The following FHIP2A variants were observed in gnomAD, a reference collection of about 807,000 sequenced individuals.
The protein encoded by FHIP2A is FHF complex subunit HOOK interacting protein 2A.
Under a neutral mutation model 93.5 loss-of-function variants are expected in FHIP2A, and 46 were observed. The observed-to-expected ratio is 0.49, with a 90% CI of 0.39 to 0.63. The LOEUF (loss-of-function observed/expected upper bound fraction) is 0.63. Ranked by LOEUF, FHIP2A falls within the 20% of genes least tolerant of loss-of-function variation. FHIP2A has a pLI of 0.00. For synonymous variants in FHIP2A, 332 were observed against 326.5 expected (o/e 1.02, Z -0.18); for missense variants, 769 against 909.7 (o/e 0.85, Z 1.99).
At chr10:114,829,064 G>A (rs2083593404) in intron 1 of FHIP2A, among the ~76,000 whole-genome samples, 1 of 152,210 alleles carries the variant, frequency 6.6e-6, no homozygotes, top group African/African-American at 2.4e-5. Context: ...CAGTAGAAGT[G>A]CAAGAATAAC....
At chr10:114,873,279 G>A (rs1266751392) in intron 16 of FHIP2A, among the ~76,000 whole-genome samples, 1 of 152,200 alleles carries the variant, frequency 6.6e-6, no homozygotes, top group Non-Finnish European at 1.5e-5. Flanking sequence ...TTAGTCTGAT[G>A]TTTTCCTCAT....
chr10:114,845,467 A>G lies in FHIP2A; in HGVS notation c.1114A>G (p.Lys372Glu). 6.2e-7 allele frequency: 1 copy of G among 1,604,698 alleles called. No homozygotes were observed. Among genetic ancestry groups the G allele is most frequent in the Non-Finnish European group, 8.5e-7 (1 of 1,172,384 alleles). ...GTTTGATTATTGTGATCAGCTCATT[A>G]AGGAAGCCCAAAAGGTTTGTAATTT... ...SWFDYCDQLI[K>E]EAQKTAAVAL... The change falls in exon 8 of 17, where the codon AAG becomes GAG. Residue 372 changes from lysine (K) to glutamate (E), a missense_variant. Transcript: ENST00000369248.
intron 5 of FHIP2A, among the ~76,000 whole-genome samples, chr10:114,837,388 G>C (rs933952145): frequency 1.3e-5 from 2 of 152,076 alleles, no homozygotes; most frequent in Admixed American, 6.5e-5. Context: ...GGTAGTGCAC[G>C]CCTGGAATCC....
Position 114,843,229 on chromosome 10 carries a change from G to T in FHIP2A, c.816+3G>T, listed in dbSNP as rs2083679925. ...TGTTAAATCTTACTAGAAGTCCTGT[G>T]AGTTATGGTCCTTACTTTTTCCCCC... On this transcript the variant is annotated splice_donor_region_variant and intron_variant, in intron 6 of 16. Transcript: ENST00000369248. 3 of 1,603,618 alleles carry T rather than the reference G, an allele frequency of 1.9e-6. No homozygotes were observed. Among genetic ancestry groups the T allele is most frequent in the Non-Finnish European group, 2.6e-6 (3 of 1,172,164 alleles).
chr10:114,832,868 C>T (rs556755098), intron 2 of FHIP2A, among the ~76,000 whole-genome samples: 1 of 152,140 alleles, frequency 6.6e-6, no homozygotes, highest in Admixed American at 6.5e-5. Context: ...CCTGCCACCA[C>T]ACACGGCTAA....
At chr10:114,833,116 G>C (rs761791508) in intron 2 of FHIP2A, 117 bp from the exon 3 acceptor site, 2 of 702,836 alleles carry the variant, frequency 2.8e-6, no homozygotes, top group Non-Finnish European at 4.7e-6. Flanking sequence ...CCTCACTTAA[G>C]TGTGTAGTTC....
chr10:114,858,544 T>C (rs1248298012), intron 14 of FHIP2A, among the ~76,000 whole-genome samples: 1 of 152,124 alleles, frequency 6.6e-6, no homozygotes, highest in Admixed American at 6.5e-5. Context: ...AAGAGTCATG[T>C]ACAATTCTGG....
chr10:114,827,845 C>G (rs898695386), intron 1 of FHIP2A, among the ~76,000 whole-genome samples: 1 of 151,180 alleles, frequency 6.6e-6, no homozygotes, highest in East Asian at 1.9e-4. Flanking sequence ...GGGACTCCAT[C>G]CTAGGCAGGA....
rs150377359 is a variant in FHIP2A at position 114,835,000 on chromosome 10, C to G, written c.295-537C>G. Among the ~76,000 whole-genome samples the G allele has an allele frequency of 7.2e-5, 11 of 152,220 alleles. No individual in the cohort carries two copies. In the East Asian group the frequency reaches 2.1e-3, roughly 29 times the overall value. On this transcript the variant is annotated intron_variant, in intron 3 of 16. Coordinates refer to ENST00000369248, the MANE Select transcript of FHIP2A (RefSeq NM_020940.4). ...CAGATTTGGGTATAATCGTGTATACCGAGGCACAGCTCTAATTTAAAATGA... is the reference window on the plus strand; with the variant it reads ...CAGATTTGGGTATAATCGTGTATACGGAGGCACAGCTCTAATTTAAAATGA...
exon 17 of FHIP2A, chr10:114,899,770 C>T (rs1168212685): frequency 2.3e-6 from 1 of 440,452 alleles, no homozygotes; most frequent in African/African-American, 2.0e-5. Flanking sequence ...AAAAAGAATT[C>T]CACCACAAGT....
intron 1 of FHIP2A, among the ~76,000 whole-genome samples, chr10:114,828,240 G>A (rs184364864): frequency 6.6e-6 from 1 of 152,148 alleles, no homozygotes; most frequent in Non-Finnish European, 1.5e-5. Flanking sequence ...TATTCACAAA[G>A]TAACACCATT....
At chr10:114,850,522 C>T (rs1455385208) in intron 13 of FHIP2A, among the ~76,000 whole-genome samples, 3 of 144,252 alleles carry the variant, frequency 2.1e-5, no homozygotes, top group Non-Finnish European at 4.6e-5. Context: ...GCTTCACAAT[C>T]CCATTTTTAC....
At chr10:114,857,428 G>C (rs1054357947) in intron 14 of FHIP2A, among the ~76,000 whole-genome samples, 3 of 151,214 alleles carry the variant, frequency 2.0e-5, no homozygotes, top group African/African-American at 7.3e-5. Flanking sequence ...TCCCGTCTCA[G>C]CGTCCTGAGT....
chr10:114,860,460 C>A (rs1450297604), intron 14 of FHIP2A, among the ~76,000 whole-genome samples: 1 of 152,160 alleles, frequency 6.6e-6, no homozygotes, highest in African/African-American at 2.4e-5. Context: ...TCAAGCAGTT[C>A]TCTTGCCTCA....
At chr10:114,849,911 G>C (rs2083724857) in intron 13 of FHIP2A, among the ~76,000 whole-genome samples, 1 of 152,126 alleles carries the variant, frequency 6.6e-6, no homozygotes, top group Non-Finnish European at 1.5e-5. Context: ...CTCAGTGTAA[G>C]GTCATGTTTT....
At position 114,862,914 on chromosome 10, in the gene FHIP2A, G is replaced by A. The variant is rs1190391090; in HGVS notation, c.*1374G>A. 1 of 985,282 alleles carries A rather than the reference G, an allele frequency of 1.0e-6. No homozygotes were observed. The highest frequency in any genetic ancestry group is 1.1e-4 in the East Asian group (1 of 8,826). 61.0% of individuals were successfully genotyped at this position (985,282 alleles called of 1,614,324 possible). On this transcript the variant is annotated 3_prime_UTR_variant, in exon 17 of 17. Coordinates refer to ENST00000369248, the MANE Select transcript of FHIP2A (RefSeq NM_020940.4). ...TCTAGGAAGTTATTTTATGTAGCAT[G>A]TTTGCATATACGCATTGTGTGGCAT... is the stretch of plus-strand genomic sequence containing the variant.
At position 114,836,109 on chromosome 10, in the gene FHIP2A, C is replaced by G. The variant is rs368403731; in HGVS notation, c.400-15C>G. ...TAGCCTAAGTTTAAAAAGTTAAAAA[C>G]AATTGTTTTCACAGAAATTAATTAG... is the stretch of plus-strand genomic sequence containing the variant. On this transcript the variant is annotated splice_polypyrimidine_tract_variant and intron_variant, in intron 4 of 16. Transcript: ENST00000369248. 6.5e-7 allele frequency: 1 copy of G among 1,546,132 alleles called. No homozygotes were observed. The highest frequency in any genetic ancestry group is 8.8e-7 in the Non-Finnish European group (1 of 1,135,626).
At position 114,833,292 on chromosome 10, in the gene FHIP2A, A is replaced by G. The variant is rs762102449; in HGVS notation, c.184A>G (p.Ile62Val). Residue 62 changes from isoleucine to valine, a missense_variant, in exon 3 of 17, where the codon ATA becomes GTA. Ile to Val is a conservative substitution (Grantham distance 29). Transcript: ENST00000369248. The stretch of plus-strand genomic sequence containing the variant: ...ATCGCATCTGGAACAGATGTTAGAT[A>G]TACTGGTTCAAGAAGAAAATGAACG... ...IPSHLEQMLD[I>V]LVQEENERES... 8 of 1,613,714 alleles carry G rather than the reference A, an allele frequency of 5.0e-6. No homozygotes were observed. The highest frequency in any genetic ancestry group is 1.7e-4 in the Middle Eastern group (1 of 6,060).
intron 16 of FHIP2A, among the ~76,000 whole-genome samples, chr10:114,896,568 A>T (rs1005059517): frequency 6.6e-6 from 1 of 152,234 alleles, no homozygotes. Context: ...CCTCCTTTGG[A>T]AAGGCTCATC....
Sources: allele counts gnomAD v4.1 joint callset (sites outside exome capture counted in the v4.1 genomes callset), GRCh38; gene constraint gnomAD v4.1.1; transcripts MANE v1.5; gene names NCBI Gene and HGNC (gene_info 2026-07-23, HGNC 2026-07-21).